The following SLC2A2 variants were observed in gnomAD, a reference collection of about 807,000 sequenced individuals.
SLC2A2 encodes solute carrier family 2, facilitated glucose transporter member 2.
A neutral mutation model predicts 54.5 loss-of-function variants in SLC2A2; 36 were observed. The ratio of observed to expected loss-of-function variants is 0.66; its 90% CI spans 0.51 to 0.87. The LOEUF (loss-of-function observed/expected upper bound fraction) is 0.87, where lower values mean the gene tolerates loss of function less well. Among genes scored for constraint, SLC2A2 ranks in the 40% least tolerant of loss-of-function variants. The pLI is 0.00. For synonymous variants in SLC2A2, 223 were observed against 219.1 expected, an observed-to-expected ratio of 1.02 and a Z score of -0.16; for missense variants, 543 against 624.3, an observed-to-expected ratio of 0.87 and a Z score of 1.39.
At chr3:171,018,138 C>T (rs550366869) in intron 2 of SLC2A2, among the ~76,000 whole-genome samples, 1 of 152,218 alleles carries the variant, frequency 6.6e-6, no homozygotes, top group South Asian at 2.1e-4. Flanking sequence ...CAAAAAATGT[C>T]CCCTGAGTGA....
intron 8 of SLC2A2, 40 bp downstream of exon 8, chr3:171,002,536 T>A: frequency 7.6e-7 from 1 of 1,311,380 alleles, no homozygotes; most frequent in Non-Finnish European, 1.1e-6. Context: ...ATTTCTGGAC[T>A]AAGGAACAAG....
intron 4 of SLC2A2, among the ~76,000 whole-genome samples, chr3:171,009,017 A>T (rs1028594730): frequency 2.6e-5 from 4 of 152,108 alleles, no homozygotes; most frequent in African/African-American, 9.7e-5. Flanking sequence ...TTTATATACA[A>T]ATCTTACGTC....
chr3:171,011,381 A>G (rs1296386849), intron 3 of SLC2A2, among the ~76,000 whole-genome samples: 1 of 152,078 alleles, frequency 6.6e-6, no homozygotes, highest in Non-Finnish European at 1.5e-5. Flanking sequence ...TAGAGATTAG[A>G]ATGTTGTGCT....
chr3:170,999,173 C>A lies in SLC2A2; in HGVS notation c.1069-7G>T. Reference sequence around the variant, plus strand: ...CCTTCTCCACAAGGAATACCTAGGACAATTTTAAAGAAATTATCTCAGTTT... The same window carrying A: ...CCTTCTCCACAAGGAATACCTAGGAAAATTTTAAAGAAATTATCTCAGTTT... On this transcript the variant is annotated splice_region_variant and splice_polypyrimidine_tract_variant and intron_variant, in intron 8 of 10. Transcript: ENST00000314251. The A allele has an allele frequency of 6.4e-7, 1 of 1,565,714 alleles. No homozygotes were observed. The highest frequency in any genetic ancestry group is 1.1e-5 in the South Asian group (1 of 90,092).
At chr3:171,005,584 G>A in intron 6 of SLC2A2, 112 bp from the exon 7 acceptor site, 2 of 814,382 alleles carry the variant, frequency 2.5e-6, no homozygotes, top group Non-Finnish European at 4.0e-6. Flanking sequence ...TTACTTAATA[G>A]CATGGGTGTT....
chr3:170,997,514 T>C lies in SLC2A2; in HGVS notation c.*389A>G. 5.3e-6 allele frequency: 1 copy of C among 188,674 alleles called. No homozygotes were observed. Among genetic ancestry groups the C allele is most frequent in the South Asian group, 1.1e-4 (1 of 9,166 alleles). 11.7% of individuals were successfully genotyped at this position (188,674 alleles called of 1,614,324 possible). A position where few individuals can be genotyped will look rare whatever the true frequency, so the allele number is the denominator to read the frequency against. ...ACATAAGATATATGGGTAAGAAAAT[T>C]CCAATTTAATGATATTCAAATATAT... On this transcript the variant is annotated 3_prime_UTR_variant, in exon 11 of 11. Coordinates refer to ENST00000314251, the MANE Select transcript of SLC2A2 (RefSeq NM_000340.2).
chr3:171,001,582 A>G (rs1715335069), intron 8 of SLC2A2, among the ~76,000 whole-genome samples: 1 of 152,048 alleles, frequency 6.6e-6, no homozygotes, highest in Non-Finnish European at 1.5e-5. Context: ...AAAACAAGTG[A>G]CTAAATTATA....
intron 1 of SLC2A2, among the ~76,000 whole-genome samples, chr3:171,020,761 G>A (rs1036442672): frequency 2.0e-5 from 3 of 151,822 alleles, no homozygotes; most frequent in African/African-American, 4.8e-5. Flanking sequence ...GTGTATGCCT[G>A]TAGTCCCAGC....
rs1271546287 is a variant in SLC2A2, at chr3:171,007,257, A to G, written c.503T>C (p.Ile168Thr). 6.3e-7 allele frequency: 1 copy of G among 1,591,404 alleles called. No homozygotes were observed. Residue 168 changes from isoleucine to threonine, a missense_variant, in exon 5 of 11, where the codon ATT becomes ACT. By Grantham distance (89) the Ile-to-Thr change is moderately conservative. Around this residue, in one of 3 missense-constraint regions of SLC2A2, gnomAD observed 318 missense variants for 343.8 expected, o/e 0.93. Coordinates refer to ENST00000314251, the MANE Select transcript of SLC2A2 (RefSeq NM_000340.2). ...RSISGLYCGL[I>T]SGLVPMYIGE... ...GATATACATAGGAACCAGGCCTGAA[A>G]TTAGCCCTGCATGAAACATAAACAT...
chr3:171,005,868 T>C, intron 6 of SLC2A2, 75 bp downstream of exon 6: 3 of 1,404,702 alleles, frequency 2.1e-6, no homozygotes, highest in South Asian at 1.2e-5. Context: ...ACCAACTTCA[T>C]GTGGAAAGCA....
intron 7 of SLC2A2, 29 bp from the exon 8 acceptor site, chr3:171,002,709 T>C (rs1715396573): frequency 8.0e-7 from 1 of 1,251,054 alleles, no homozygotes; most frequent in Admixed American, 1.8e-5. Context: ...TTAGCCTTAA[T>C]CTTAAGAAGT....
At chr3:171,014,429 T>A in intron 3 of SLC2A2, 40 bp downstream of exon 3, 1 of 1,602,696 alleles carries the variant, frequency 6.2e-7, no homozygotes, top group Non-Finnish European at 8.5e-7. Context: ...AATGAAAATA[T>A]GAAAGTTTCT....
chr3:171,017,834 C>A (rs146806476), intron 2 of SLC2A2, among the ~76,000 whole-genome samples: 4 of 152,084 alleles, frequency 2.6e-5, no homozygotes, highest in Admixed American at 2.0e-4. Context: ...TAGGGATGCA[C>A]GAAATATATG....
At chr3:171,010,265 C>T (rs943103841) in intron 3 of SLC2A2, among the ~76,000 whole-genome samples, 183 bp from the exon 4 acceptor site, 1 of 152,014 alleles carries the variant, frequency 6.6e-6, no homozygotes, top group African/African-American at 2.4e-5. Context: ...TAAAGTATTA[C>T]TAATAAGCAA....
chr3:170,999,376 G>A (rs1239511814), intron 8 of SLC2A2, among the ~76,000 whole-genome samples: 1 of 152,064 alleles, frequency 6.6e-6, no homozygotes, highest in East Asian at 1.9e-4. Context: ...AGCGGGTAAT[G>A]ATCAAATATC....
intron 2 of SLC2A2, among the ~76,000 whole-genome samples, chr3:171,016,097 G>A (rs1459331986): frequency 6.6e-6 from 1 of 152,114 alleles, no homozygotes; most frequent in African/African-American, 2.4e-5. Flanking sequence ...CCAGCTGAGG[G>A]AGGGGAAGAA....
intron 5 of SLC2A2, 61 bp downstream of exon 5, chr3:171,007,087 G>A: frequency 1.1e-6 from 1 of 897,808 alleles, no homozygotes; most frequent in Non-Finnish European, 1.9e-6. Flanking sequence ...AATAGTAGTA[G>A]TGGTACTGTA....
At chr3:171,010,107 A>G in intron 3 of SLC2A2, 25 bp from the exon 4 acceptor site, 1 of 1,609,932 alleles carries the variant, frequency 6.2e-7, no homozygotes, top group South Asian at 1.1e-5. Context: ...AGCAAGGAAT[A>G]TAAATTCAGC....
Position 170,998,204 on chromosome 3 carries a change from G to C in SLC2A2, c.1363C>G (p.Gln455Glu). ...TCNFIVALCF[Q>E]YIADFCGPYV... The stretch of plus-strand genomic sequence containing the variant: ...ATTAGGCTGCTTACCGCAATGTACT[G>C]GAAACACAGAGCTACAATGAAATTG... The change falls in exon 10 of 11, where the codon CAG becomes GAG. Residue 455 changes from glutamine to glutamate, a missense_variant. Transcript: ENST00000314251. The C allele has an allele frequency of 6.2e-7, 1 of 1,613,668 alleles. No homozygotes were observed. Among genetic ancestry groups the C allele is most frequent in the Admixed American group, 1.7e-5 (1 of 59,906 alleles).
Sources: allele counts gnomAD v4.1 joint callset (sites outside exome capture counted in the v4.1 genomes callset), GRCh38; gene constraint gnomAD v4.1.1; regional missense constraint gnomAD v4.1.1; transcripts MANE v1.5; gene names NCBI Gene and HGNC (gene_info 2026-07-23, HGNC 2026-07-21).